DNAH3: variants seen among roughly 807,000 people sequenced by gnomAD.
DNAH3 encodes axonemal beta dynein heavy chain 3.
DNAH3 carries 332 observed loss-of-function variants against 432.5 expected under a neutral mutation model. The ratio of observed to expected loss-of-function variants is 0.77; its 90% confidence interval spans 0.70 to 0.84. The LOEUF (loss-of-function observed/expected upper bound fraction) is 0.84, where lower values mean the gene tolerates loss of function less well. Ranked by LOEUF, DNAH3 falls within the 40% of genes least tolerant of loss-of-function variation. The pLI is 0.00. For synonymous variants in DNAH3, 1,956 were observed against 1,900.2 expected (o/e 1.03, Z -0.76); for missense variants, 4,861 against 5,114.0 (o/e 0.95, Z 1.51).
intron 21 of DNAH3, among the ~76,000 whole-genome samples, chr16:21,072,492 A>C (rs2090826349): frequency 6.6e-6 from 1 of 151,904 alleles, no homozygotes; most frequent in Non-Finnish European, 1.5e-5. Flanking sequence ...ACACCGGGCT[A>C]ATTTTTGTAC....
At chr16:21,096,941 A>G (rs1284242923) in intron 18 of DNAH3, among the ~76,000 whole-genome samples, 3 of 152,150 alleles carry the variant, frequency 2.0e-5, no homozygotes, top group Non-Finnish European at 4.4e-5. Context: ...CCCTTAACCC[A>G]TATCGGATCA....
chr16:21,148,853 A>G (rs1332969296), intron 1 of DNAH3, among the ~76,000 whole-genome samples: 2 of 152,174 alleles, frequency 1.3e-5, no homozygotes, highest in African/African-American at 4.8e-5. Context: ...CCTGGCAATA[A>G]ATGGCTAAGA....
exon 27 of DNAH3, chr16:21,058,155 C>A (rs750071232): frequency 6.2e-7 from 1 of 1,613,850 alleles, no homozygotes; most frequent in Non-Finnish European, 8.5e-7. Context: ...CACAGATAAC[C>A]ACCTGTCCAG....
chr16:21,062,676 A>G, exon 25 of DNAH3: 1 of 1,612,116 alleles, frequency 6.2e-7, no homozygotes, highest in Non-Finnish European at 8.5e-7. Context: ...TTTGATAGGA[A>G]GAAGAATCTA....
intron 16 of DNAH3, among the ~76,000 whole-genome samples, chr16:21,099,476 A>G (rs2091781760): frequency 6.6e-6 from 1 of 152,234 alleles, no homozygotes; most frequent in African/African-American, 2.4e-5. Context: ...TATCAACTTC[A>G]TCCATATTAT....
chr16:20,954,699 G>T, intron 55 of DNAH3, 114 bp downstream of exon 55: 1 of 1,174,788 alleles, frequency 8.5e-7, no homozygotes, highest in South Asian at 1.7e-5. Flanking sequence ...TATTTATACC[G>T]TATCTTACTG....
At chr16:21,081,919 A>AT (rs1409772404) in intron 19 of DNAH3, among the ~76,000 whole-genome samples, 192 bp from the exon 20 acceptor site, 1 of 152,074 alleles carries the variant, frequency 6.6e-6, no homozygotes, top group African/African-American at 2.4e-5. Flanking sequence ...AATTAAAAAA[A>AT]TTTTTTGAGA....
At chr16:21,002,586 C>T (rs894451022) in intron 42 of DNAH3, among the ~76,000 whole-genome samples, 1 of 151,988 alleles carries the variant, frequency 6.6e-6, no homozygotes, top group African/African-American at 2.4e-5. Flanking sequence ...CTCAGCCTCC[C>T]AAGTAGCTGG....
intron 43 of DNAH3, among the ~76,000 whole-genome samples, chr16:20,999,728 G>A (rs781757613): frequency 6.6e-6 from 1 of 152,194 alleles, no homozygotes; most frequent in South Asian, 2.1e-4. Flanking sequence ...TCAAGTGACC[G>A]AAGTGAGGAA....
exon 60 of DNAH3, chr16:20,936,796 C>G: frequency 6.2e-7 from 1 of 1,613,716 alleles, no homozygotes; most frequent in Non-Finnish European, 8.5e-7. Flanking sequence ...ACATCAGGAC[C>G]TGTCCTTTGA....
intron 16 of DNAH3, among the ~76,000 whole-genome samples, chr16:21,101,377 T>C (rs1413284753): frequency 6.6e-6 from 1 of 152,188 alleles, no homozygotes; most frequent in Non-Finnish European, 1.5e-5. Flanking sequence ...TGTGTATATA[T>C]GTAAATTCCA....
In DNAH3 at chr16:20,946,985, C is replaced by T. The variant is rs924602820; in HGVS notation, c.11343+1498G>A. The stretch of plus-strand genomic sequence containing the variant: ...GACTACAAGTGCATGCCATCACACC[C>T]GGCTAATTTTTGTATTTTTAGTAGA... On this transcript the variant is annotated intron_variant, in intron 57 of 61. Transcript: ENST00000261383. 2.0e-5 allele frequency among the ~76,000 whole-genome samples: 3 copies of T among 151,828 alleles called. No homozygotes were observed. In the East Asian group the frequency reaches 5.8e-4, roughly 29 times the overall value.
At chr16:21,104,730 T>C (rs11074481) in intron 15 of DNAH3, 136 bp from the exon 16 acceptor site, 154,948 of 587,508 alleles carry the variant, frequency 0.26, 21,161 homozygotes, top group African/African-American at 0.33. Flanking sequence ...TGAGTGACAG[T>C]GACATTTGTT....
exon 53 of DNAH3, chr16:20,963,717 C>A (rs201349145): frequency 1.2e-6 from 2 of 1,613,902 alleles, no homozygotes; most frequent in African/African-American, 2.7e-5. Flanking sequence ...ACACCTCCTC[C>A]GTAATTTCCT....
chr16:20,963,608 C>A, exon 53 of DNAH3: 1 of 1,614,058 alleles, frequency 6.2e-7, no homozygotes. Flanking sequence ...AAGGCAGATG[C>A]ACGGACAATC....
At chr16:21,148,738 C>T (rs1056755236) in intron 1 of DNAH3, among the ~76,000 whole-genome samples, 5 of 152,184 alleles carry the variant, frequency 3.3e-5, no homozygotes, top group African/African-American at 7.2e-5. Context: ...GTCATAAGTA[C>T]GCTGATAGCA....
intron 18 of DNAH3, among the ~76,000 whole-genome samples, chr16:21,096,822 A>T (rs934215397): frequency 9.2e-5 from 14 of 152,318 alleles, no homozygotes; most frequent in Non-Finnish European, 1.9e-4. Context: ...GGAGAAGCTA[A>T]GTAACTTTTC....
At chr16:21,038,558 C>A (rs145027414) in intron 33 of DNAH3, among the ~76,000 whole-genome samples, 1 of 152,182 alleles carries the variant, frequency 6.6e-6, no homozygotes, top group South Asian at 2.1e-4. Flanking sequence ...GGATTTTCAG[C>A]GAGTAAAAAA....
intron 44 of DNAH3, among the ~76,000 whole-genome samples, chr16:20,993,429 T>G (rs1227362923): frequency 2.0e-5 from 3 of 152,192 alleles, no homozygotes; most frequent in Non-Finnish European, 4.4e-5. Flanking sequence ...TTCTAGGAGA[T>G]TCCTGAGAAA....
Sources: gnomAD v4.1 joint callset for allele counts (sites outside exome capture counted in the v4.1 genomes callset) on GRCh38, gnomAD v4.1.1 for gene constraint, MANE v1.5 for transcripts, NCBI Gene and HGNC (gene_info 2026-07-23, HGNC 2026-07-21) for gene names.